CYP2C19: variants seen among roughly 807,000 people sequenced by gnomAD.
CYP2C19 encodes cytochrome P450 family 2 subfamily C member 19, also known as cytochrome P450 2C19.
A neutral mutation model predicts 40.9 loss-of-function variants in CYP2C19; 59 were observed. That is an observed-to-expected ratio of 1.44 (90% CI 1.17 to 1.79). The LOEUF (loss-of-function observed/expected upper bound fraction) is 1.79, where lower values mean the gene tolerates loss of function less well. Among genes scored for constraint, CYP2C19 ranks in the 40% most tolerant of loss-of-function variants. CYP2C19 has a pLI of 0.00. For missense variants in CYP2C19, 754 were observed against 596.9 expected, an observed-to-expected ratio of 1.26 and a Z score of -2.74; for synonymous variants, 253 against 208.7, an observed-to-expected ratio of 1.21 and a Z score of -1.83.
intron 6 of CYP2C19, among the ~76,000 whole-genome samples, chr10:94,839,041 A>G (rs1227930908): frequency 6.6e-6 from 1 of 152,174 alleles, no homozygotes; most frequent in Non-Finnish European, 1.5e-5. Flanking sequence ...ATCTGAAAAA[A>G]GAACATAGGG....
chr10:94,807,779 T>A (rs377312831), intron 5 of CYP2C19, among the ~76,000 whole-genome samples: 8 of 152,276 alleles, frequency 5.3e-5, no homozygotes, highest in African/African-American at 1.9e-4. Context: ...ACTTGTATAT[T>A]TTGGATATTA....
chr10:94,842,799 C>G lies in CYP2C19; in HGVS notation c.962-38C>G, dbSNP rs370557042. The stretch of plus-strand genomic sequence containing the variant: ...AATTGCTAGAACAAATGTTCCATTT[C>G]TCTCCTTTTCCATCAGTTCTTACTT... On this transcript the variant is annotated intron_variant, in intron 6 of 8. Coordinates refer to ENST00000371321, the MANE Select transcript of CYP2C19 (RefSeq NM_000769.4). 11 of 1,604,950 alleles carry G rather than the reference C, an allele frequency of 6.9e-6. No individual in the cohort carries two copies. The African/African-American group carries it at 1.5e-4, about 21-fold the overall frequency.
chr10:94,841,643 C>T (rs977874986), intron 6 of CYP2C19, among the ~76,000 whole-genome samples: 1 of 152,062 alleles, frequency 6.6e-6, no homozygotes, highest in Non-Finnish European at 1.5e-5. Context: ...ATAAACTTTC[C>T]TCTTAGTACT....
chr10:94,845,108 G>A (rs1849552865), intron 7 of CYP2C19, among the ~76,000 whole-genome samples: 1 of 152,122 alleles, frequency 6.6e-6, no homozygotes, highest in South Asian at 2.1e-4. Flanking sequence ...TTACAAATCA[G>A]GCAAATGTGT....
At position 94,781,851 on chromosome 10, in the gene CYP2C19, T is replaced by C; in HGVS notation, c.673T>C (p.Tyr225His). Residue 225 changes from tyrosine to histidine, a missense_variant, in exon 5 of 9, where the codon TAT (tyrosine) becomes CAT (histidine). Tyr to His is a moderately conservative substitution (Grantham distance 83). Transcript: ENST00000371321. Reference protein sequence around the residue: ...ICNNFPTIIDYFPGTHNKLLK... With the variant: ...ICNNFPTIIDHFPGTHNKLLK... Reference sequence around the variant, plus strand: ...CAATAATTTTCCCACTATCATTGATTATTTCCCGGGAACCCATAACAAATT... The same window carrying C: ...CAATAATTTTCCCACTATCATTGATCATTTCCCGGGAACCCATAACAAATT... 1 of 1,471,588 alleles carries C rather than the reference T, an allele frequency of 6.8e-7. No homozygotes were observed. Among genetic ancestry groups the C allele is most frequent in the South Asian group, 1.5e-5 (1 of 66,228 alleles). The allele number at this position is 1,471,588 out of a possible 1,614,324, so 91.2% of individuals were successfully genotyped here.
At chr10:94,794,441 A>T (rs961006714) in intron 5 of CYP2C19, among the ~76,000 whole-genome samples, 3 of 152,114 alleles carry the variant, frequency 2.0e-5, no homozygotes, top group African/African-American at 7.2e-5. Flanking sequence ...CATTGCTCAC[A>T]CTGGGAGCTG....
At chr10:94,826,317 A>G (rs559012967) in intron 6 of CYP2C19, among the ~76,000 whole-genome samples, 1 of 151,916 alleles carries the variant, frequency 6.6e-6, no homozygotes, top group African/African-American at 2.4e-5. Context: ...ATTTGTTTGT[A>G]TCCTCTTTTA....
chr10:94,786,047 C>G (rs947247862), intron 5 of CYP2C19, among the ~76,000 whole-genome samples: 1 of 151,978 alleles, frequency 6.6e-6, no homozygotes, highest in Non-Finnish European at 1.5e-5. Flanking sequence ...GCCTCCTTCC[C>G]CCTCTTTGGA....
At chr10:94,767,561 C>T (rs766766303) in intron 1 of CYP2C19, among the ~76,000 whole-genome samples, 2 of 152,150 alleles carry the variant, frequency 1.3e-5, no homozygotes, top group African/African-American at 2.4e-5. Context: ...GGATAGTGAC[C>T]TATTCTTTGT....
chr10:94,839,597 A>G (rs759737446), intron 6 of CYP2C19, among the ~76,000 whole-genome samples: 10 of 152,230 alleles, frequency 6.6e-5, no homozygotes, highest in Non-Finnish European at 1.3e-4. Flanking sequence ...GAGAGGGTGT[A>G]TTGAATCTTT....
At chr10:94,838,865 C>G (rs1849446439) in intron 6 of CYP2C19, among the ~76,000 whole-genome samples, 1 of 152,150 alleles carries the variant, frequency 6.6e-6, no homozygotes, top group Non-Finnish European at 1.5e-5. Context: ...TTATACTTCC[C>G]TCAGGAGGCC....
intron 6 of CYP2C19, among the ~76,000 whole-genome samples, chr10:94,841,514 G>A (rs1467187453): frequency 2.0e-5 from 3 of 152,154 alleles, no homozygotes; most frequent in African/African-American, 4.8e-5. Flanking sequence ...AAAGGGAGGG[G>A]ACCCAAAGGG....
chr10:94,829,682 G>A (rs972639256), intron 6 of CYP2C19, among the ~76,000 whole-genome samples: 2 of 152,040 alleles, frequency 1.3e-5, no homozygotes, highest in Non-Finnish European at 2.9e-5. Flanking sequence ...ATCCAGCTTT[G>A]TTCCGTTGCT....
chr10:94,793,150 T>C (rs1359035904), intron 5 of CYP2C19, among the ~76,000 whole-genome samples: 1 of 152,196 alleles, frequency 6.6e-6, no homozygotes, highest in Non-Finnish European at 1.5e-5. Context: ...TTGAATCGGC[T>C]ACTGAAGCTT....
At chr10:94,818,891 C>T (rs1285950502) in intron 5 of CYP2C19, among the ~76,000 whole-genome samples, 2 of 152,088 alleles carry the variant, frequency 1.3e-5, no homozygotes, top group Non-Finnish European at 2.9e-5. Context: ...TTTCCTTCTC[C>T]TGCCTGATTG....
intron 3 of CYP2C19, chr10:94,776,038 G>A (rs1039728014): frequency 2.5e-4 from 41 of 163,330 alleles, no homozygotes; most frequent in Non-Finnish European, 4.7e-4. Flanking sequence ...TTAGGCCCAT[G>A]CTTGCCATTC....
chr10:94,770,920 A>G (rs558332280), intron 1 of CYP2C19, among the ~76,000 whole-genome samples: 82 of 152,288 alleles, frequency 5.4e-4, no homozygotes, highest in African/African-American at 1.7e-3. Flanking sequence ...TTCAGCTGTC[A>G]TTCTATCATT....
chr10:94,796,659 G>T (rs1033020230), intron 5 of CYP2C19, among the ~76,000 whole-genome samples: 1 of 152,060 alleles, frequency 6.6e-6, no homozygotes, highest in East Asian at 1.9e-4. Flanking sequence ...TTTGTGTCCT[G>T]TTTTATTTCA....
chr10:94,822,217 A>T (rs1849135487), intron 6 of CYP2C19, among the ~76,000 whole-genome samples: 1 of 152,116 alleles, frequency 6.6e-6, no homozygotes, highest in African/African-American at 2.4e-5. Flanking sequence ...GGTAATTCAT[A>T]AAGGAAAGAG....
Sources: gnomAD v4.1 joint callset for allele counts (sites outside exome capture counted in the v4.1 genomes callset) on GRCh38, gnomAD v4.1.1 for gene constraint, MANE v1.5 for transcripts, NCBI Gene and HGNC (gene_info 2026-07-23, HGNC 2026-07-21) for gene names.